The following KIR3DL1 variants were observed in gnomAD, a reference collection of about 807,000 sequenced individuals.
The protein encoded by KIR3DL1 is killer cell immunoglobulin like receptor, three Ig domains and long cytoplasmic tail 1.
KIR3DL1 carries 50 observed loss-of-function variants against 40.3 expected under a neutral mutation model. The ratio of observed to expected loss-of-function variants is 1.24; its 90% CI spans 0.99 to 1.57. The LOEUF is 1.57. Ranked by LOEUF, KIR3DL1 falls within the 40% of genes most tolerant of loss-of-function variation. KIR3DL1 has a pLI of 0.00. For synonymous variants in KIR3DL1, 257 were observed against 207.2 expected (o/e 1.24, Z -2.07); for missense variants, 661 against 559.9 (o/e 1.18, Z -1.82).
intron 3 of KIR3DL1, 90 bp from the exon 4 acceptor site, chr19:54,819,623 A>G (rs2061527938): frequency 1.4e-6 from 2 of 1,440,462 alleles, no homozygotes; most frequent in Non-Finnish European, 1.9e-6. Flanking sequence ...AGAGAGACAG[A>G]CACGGGGAGG....
intron 4 of KIR3DL1, among the ~76,000 whole-genome samples, chr19:54,820,889 G>GGA (rs1426255113): frequency 6.6e-6 from 1 of 150,948 alleles, no homozygotes; most frequent in Non-Finnish European, 1.5e-5. Context: ...ACAAGGAGAC[G>GGA]GAGAGAGAGA....
intron 3 of KIR3DL1, among the ~76,000 whole-genome samples, chr19:54,818,987 A>C (rs1209748431): frequency 1.3e-5 from 2 of 150,788 alleles, no homozygotes; most frequent in Non-Finnish European, 2.9e-5. Flanking sequence ...GGGAGACGCT[A>C]TCAGCCACTG....
In KIR3DL1 at chr19:54,829,484, A is replaced by G. The variant is rs375348510; in HGVS notation, c.1105+19A>G. ...AAAAAAAGTAAGTCTCACGGGGCACAGGCCAGAGAGCTCAGGGCCATGTGG... is the reference window on the plus strand; with the variant it reads ...AAAAAAAGTAAGTCTCACGGGGCACGGGCCAGAGAGCTCAGGGCCATGTGG... On this transcript the variant is annotated intron_variant, in intron 7 of 8. Transcript: ENST00000391728. 2 of 1,424,234 alleles carry G rather than the reference A, an allele frequency of 1.4e-6. No homozygotes were observed. The highest frequency in any genetic ancestry group is 1.9e-6 in the Non-Finnish European group (2 of 1,044,748). The allele number at this position is 1,424,234 out of a possible 1,614,324, so 88.2% of individuals were successfully genotyped here.
At chr19:54,820,154 A>G (rs1601336548) in intron 4 of KIR3DL1, 142 bp downstream of exon 4, 5 of 888,678 alleles carry the variant, frequency 5.6e-6, no homozygotes, top group Non-Finnish European at 8.7e-6. Context: ...CTGTACCAAC[A>G]GAGACAGAGA....
At position 54,821,830 on chromosome 19, in the gene KIR3DL1, G is replaced by T. The variant is rs112639840; in HGVS notation, c.921G>T (p.Pro307=). The T allele has an allele frequency of 2.9e-5, 46 of 1,602,796 alleles. 1 individual carries two copies. Among genetic ancestry groups the T allele is most frequent in the Admixed American group, 1.0e-4 (6 of 59,640 alleles). The change falls in exon 5 of 9, where the codon CCG becomes CCT. Residue 307 remains proline, a synonymous_variant. Transcript: ENST00000391728. ...ACTCTCCCTACGAGTGGTCAGACCC[G>T]AGTGACCCACTGCTTGTTTCTGTCA...
At chr19:54,825,762 A>G (rs640445) in intron 6 of KIR3DL1, among the ~76,000 whole-genome samples, 26,105 of 148,192 alleles carry the variant, frequency 0.18, 1,395 homozygotes, top group South Asian at 0.28. Flanking sequence ...CCCTCTGAGG[A>G]TTCCAGGCAA....
At chr19:54,818,679 C>G (rs1306868355) in intron 3 of KIR3DL1, 80 bp downstream of exon 3, 9 of 1,532,992 alleles carry the variant, frequency 5.9e-6, no homozygotes, top group African/African-American at 4.2e-5. Flanking sequence ...CCGTCAGGGT[C>G]CCATCACCCA....
chr19:54,822,240 CT>C (rs1176893527), intron 5 of KIR3DL1, among the ~76,000 whole-genome samples: 3 of 151,344 alleles, frequency 2.0e-5, no homozygotes, highest in Admixed American at 2.0e-4. Flanking sequence ...ACACCCTTTT[CT>C]TTTCATTTTC....
At chr19:54,819,804 G>C (rs1479898474) in exon 4 of KIR3DL1, 1 of 1,611,898 alleles carries the variant, frequency 6.2e-7, no homozygotes, top group East Asian at 2.2e-5. Context: ...CAGATATCAT[G>C]TTTGAGCACT....
rs140906121 is a variant in KIR3DL1 at position 54,821,044 on chromosome 19, A to C, written c.656-521A>C. Among the ~76,000 whole-genome samples the C allele has an allele frequency of 6.4e-3, 962 of 150,614 alleles. 46 individuals carry two copies. The highest frequency in any genetic ancestry group is 0.022 in the African/African-American group (903 of 40,836). ...GATAGACACATAGATATATACATAG[A>C]TGATACATAAATAGAGACAGAGAGG... is the stretch of plus-strand genomic sequence containing the variant. On this transcript the variant is annotated intron_variant, in intron 4 of 8. Transcript: ENST00000391728.
intron 6 of KIR3DL1, among the ~76,000 whole-genome samples, chr19:54,825,711 A>C (rs1260380506): frequency 1.3e-5 from 2 of 149,614 alleles, no homozygotes; most frequent in Non-Finnish European, 3.0e-5. Context: ...TAGGAAGTGC[A>C]TCTTACTGGG....
chr19:54,827,571 CA>C lies in KIR3DL1; in HGVS notation c.1001-1789del, dbSNP rs1420832288. On this transcript the variant is annotated intron_variant, in intron 6 of 8. Coordinates refer to ENST00000391728, the Ensembl canonical transcript of KIR3DL1. ...TGGAGGTTGCAGTGAGTGGAGATCG[CA>C]TCACTGCACTCCAGCCTGGGTGACA... 1.9e-3 allele frequency among the ~76,000 whole-genome samples: 281 copies of C among 150,622 alleles called. 23 individuals are homozygous for C. Among genetic ancestry groups the C allele is most frequent in the African/African-American group, 6.7e-3 (270 of 40,382 alleles).
intron 6 of KIR3DL1, among the ~76,000 whole-genome samples, chr19:54,827,015 T>C (rs187203417): frequency 6.6e-6 from 1 of 150,546 alleles, no homozygotes; most frequent in Non-Finnish European, 1.5e-5. Flanking sequence ...GAGGCCCAGG[T>C]GCGTAACTGG....
intron 7 of KIR3DL1, 97 bp downstream of exon 7, chr19:54,829,562 C>T: frequency 9.1e-7 from 1 of 1,094,482 alleles, no homozygotes; most frequent in Non-Finnish European, 1.3e-6. Context: ...AGGATGGTCC[C>T]TGGCCCAAGA....
intron 4 of KIR3DL1, 120 bp from the exon 5 acceptor site, chr19:54,821,445 G>A (rs687844): frequency 0.22 from 266,017 of 1,219,304 alleles, 21,907 homozygotes; most frequent in South Asian, 0.31. Flanking sequence ...TGGGGTGGAG[G>A]GTGAGAGAGA....
At chr19:54,818,222 T>C in intron 2 of KIR3DL1, 93 bp from the exon 3 acceptor site, 1 of 1,420,286 alleles carries the variant, frequency 7.0e-7, no homozygotes, top group Non-Finnish European at 9.6e-7. Context: ...GTAGGAGCCT[T>C]AGAAAGTGGA....
intron 3 of KIR3DL1, among the ~76,000 whole-genome samples, chr19:54,819,267 A>ACCCAGGTCAAGGACAAGTTAGGAG (rs2061510632): frequency 6.7e-6 from 1 of 150,216 alleles, no homozygotes; most frequent in African/African-American, 2.5e-5. Flanking sequence ...CAAGTTAGGA[A>ACCCAGGTCAAGGACAAGTTAGGAG]ACCAAACAAG....
intron 5 of KIR3DL1, among the ~76,000 whole-genome samples, chr19:54,824,171 A>G (rs2061770880): frequency 6.6e-6 from 1 of 151,684 alleles, no homozygotes; most frequent in African/African-American, 2.4e-5. Context: ...GTCTTTCGTC[A>G]GACAAATGTC....
chr19:54,821,670 ATC>A lies in KIR3DL1; in HGVS notation c.763_764del (p.Leu255IlefsTer8). The A allele has an allele frequency of 6.2e-7, 1 of 1,610,016 alleles. No homozygotes were observed. The highest frequency in any genetic ancestry group is 8.5e-7 in the Non-Finnish European group (1 of 1,178,172). The stretch of plus-strand genomic sequence containing the variant: ...TCCCGGAGCTCCTATGACATGTACC[ATC>A]TATCCAGGGAGGGGGGAGCCCATGA... On this transcript the variant is annotated frameshift_variant, in exon 5 of 9. Transcript: ENST00000391728. LOFTEE classifies it high-confidence loss of function.
Sources: allele counts gnomAD v4.1 joint callset (sites outside exome capture counted in the v4.1 genomes callset), GRCh38; gene constraint gnomAD v4.1.1; transcripts MANE v1.5; gene names NCBI Gene and HGNC (gene_info 2026-07-23, HGNC 2026-07-21).